CCDC93: variants seen among roughly 807,000 people sequenced by gnomAD.
The protein encoded by CCDC93 is CCC complex scaffolding subunit CCDC93, also known as coiled-coil domain-containing protein 93.
CCDC93 carries 61 observed loss-of-function variants against 108.2 expected under a neutral mutation model. The observed-to-expected ratio is 0.56, with a 90% confidence interval of 0.46 to 0.70. The LOEUF is 0.70. Ranked by LOEUF, CCDC93 falls within the 30% of genes least tolerant of loss-of-function variation. The probability of loss-of-function intolerance (pLI) is 0.00; values close to 1 mark genes in which losing one functional copy is unlikely to be tolerated. For missense variants in CCDC93, 685 were observed against 764.2 expected, an observed-to-expected ratio of 0.90 and a Z score of 1.22; for synonymous variants, 276 against 260.4, an observed-to-expected ratio of 1.06 and a Z score of -0.58.
At chr2:117,972,042 T>C (rs889959213) in intron 11 of CCDC93, among the ~76,000 whole-genome samples, 2 of 152,228 alleles carry the variant, frequency 1.3e-5, no homozygotes, top group Non-Finnish European at 2.9e-5. Flanking sequence ...AATCTGTGCA[T>C]ACTCTGCAGT....
chr2:118,006,780 T>C lies in CCDC93; in HGVS notation c.193A>G (p.Asn65Asp). 1 of 1,612,356 alleles carries C rather than the reference T, an allele frequency of 6.2e-7. No individual in the cohort carries two copies. Among genetic ancestry groups the C allele is most frequent in the Non-Finnish European group, 8.5e-7 (1 of 1,178,392 alleles). ...GGMTWCITTCNFDVDVDLLFQ... is the reference protein window; with the variant it reads ...GGMTWCITTCDFDVDVDLLFQ... Reference sequence around the variant, plus strand: ...AGCAAATCAACATCTACATCAAAGTTGCAAGTGGTGATACACCAAGTCATT... The same window carrying C: ...AGCAAATCAACATCTACATCAAAGTCGCAAGTGGTGATACACCAAGTCATT... Residue 65 changes from asparagine (N) to aspartate (D), a missense_variant, in exon 3 of 24, where the codon AAC becomes GAC. Asn to Asp is a conservative substitution (Grantham distance 23). Transcript: ENST00000376300.
intron 20 of CCDC93, 168 bp from the exon 21 acceptor site, chr2:117,936,907 G>T (rs2104723199): frequency 1.6e-6 from 1 of 613,412 alleles, no homozygotes; most frequent in Non-Finnish European, 3.0e-6. Flanking sequence ...CACATGTTCT[G>T]TCTCACAGAT....
At chr2:117,957,837 G>A (rs749270183) in intron 12 of CCDC93, among the ~76,000 whole-genome samples, 2 of 152,010 alleles carry the variant, frequency 1.3e-5, no homozygotes, top group Non-Finnish European at 2.9e-5. Flanking sequence ...GCTAGGTCAG[G>A]TCTCCCTATT....
chr2:117,923,192 G>A (rs898235234), intron 23 of CCDC93, among the ~76,000 whole-genome samples: 1 of 152,184 alleles, frequency 6.6e-6, no homozygotes, highest in Non-Finnish European at 1.5e-5. Context: ...GTGTAAGCGA[G>A]GCAGAAGACG....
At chr2:117,980,475 A>G (rs1451847731) in intron 7 of CCDC93, among the ~76,000 whole-genome samples, 1 of 152,166 alleles carries the variant, frequency 6.6e-6, no homozygotes, top group African/African-American at 2.4e-5. Flanking sequence ...ACCAAATCTG[A>G]GTGACTTGAT....
At chr2:117,927,402 G>A (rs1678155056) in intron 23 of CCDC93, among the ~76,000 whole-genome samples, 1 of 152,004 alleles carries the variant, frequency 6.6e-6, no homozygotes, top group African/African-American at 2.4e-5. Flanking sequence ...TCCTTAAGCT[G>A]ATAGATTCAG....
intron 23 of CCDC93, among the ~76,000 whole-genome samples, chr2:117,930,343 G>T (rs537219459): frequency 6.6e-6 from 1 of 152,248 alleles, no homozygotes; most frequent in African/African-American, 2.4e-5. Context: ...TGAGACCCTA[G>T]CAAGGGACCA....
At chr2:117,996,555 G>A in intron 4 of CCDC93, 193 bp from the exon 5 acceptor site, 1 of 523,170 alleles carries the variant, frequency 1.9e-6, no homozygotes, top group Non-Finnish European at 3.5e-6. Flanking sequence ...AGATCCAATG[G>A]GACCTAGTGC....
intron 6 of CCDC93, among the ~76,000 whole-genome samples, chr2:117,991,229 T>A (rs1680466618): frequency 1.3e-5 from 2 of 152,200 alleles, no homozygotes; most frequent in Non-Finnish European, 2.9e-5. Flanking sequence ...CCACCTGGCA[T>A]CCATTCTTTG....
intron 3 of CCDC93, among the ~76,000 whole-genome samples, chr2:118,001,632 CAAGGTGGGA>C (rs1424723860): frequency 6.6e-6 from 1 of 152,186 alleles, no homozygotes; most frequent in African/African-American, 2.4e-5. Flanking sequence ...TAGAAGACCA[CAAGGTGGGA>C]CTGAGAAGGG....
intron 22 of CCDC93, chr2:117,934,690 A>G (rs566912807): frequency 9.8e-5 from 15 of 152,308 alleles, no homozygotes; most frequent in African/African-American, 3.6e-4. Context: ...CCTATGGACA[A>G]TTCTTTCTTT....
chr2:118,012,360 C>T (rs1677042936), intron 1 of CCDC93: 1 of 152,122 alleles, frequency 6.6e-6, no homozygotes, highest in Admixed American at 6.5e-5. Flanking sequence ...TATTTACTAG[C>T]TTCTGAACTA....
intron 3 of CCDC93, among the ~76,000 whole-genome samples, chr2:118,004,215 T>C (rs1676796657): frequency 6.6e-6 from 1 of 152,152 alleles, no homozygotes; most frequent in Non-Finnish European, 1.5e-5. Context: ...GAAGGTAAAA[T>C]AATAAAATAC....
chr2:117,944,734 C>A (rs1209700157), intron 17 of CCDC93: 1 of 471,154 alleles, frequency 2.1e-6, no homozygotes, highest in South Asian at 1.5e-5. Flanking sequence ...CCAACGCACC[C>A]AAGGGGCTCA....
At chr2:118,001,901 A>AGG (rs1676707548) in intron 3 of CCDC93, among the ~76,000 whole-genome samples, 1 of 152,194 alleles carries the variant, frequency 6.6e-6, no homozygotes, top group South Asian at 2.1e-4. Flanking sequence ...ATCAGACTCA[A>AGG]GGGGAGAGAA....
chr2:117,950,484 C>T, intron 13 of CCDC93: 1 of 985,440 alleles, frequency 1.0e-6, no homozygotes, highest in Non-Finnish European at 1.2e-6. Context: ...GGCACCACTG[C>T]TGTCTGCAAC....
rs759065738 is a variant in CCDC93, at chr2:117,974,913, T to G, written c.751-13A>C. 1 of 1,542,482 alleles carries G rather than the reference T, an allele frequency of 6.5e-7. No homozygotes were observed. Among genetic ancestry groups the G allele is most frequent in the Non-Finnish European group, 8.8e-7 (1 of 1,135,876 alleles). On this transcript the variant is annotated splice_polypyrimidine_tract_variant and intron_variant, in intron 9 of 23. Coordinates refer to ENST00000376300, the MANE Select transcript of CCDC93 (RefSeq NM_019044.5). ...ACTGAATACGCTGCTGAAAGAGGAA[T>G]GGAAGGGAGCAGCAGTGAGTGGTTC...
chr2:117,926,540 A>T (rs1294337381), intron 23 of CCDC93, among the ~76,000 whole-genome samples: 1 of 152,250 alleles, frequency 6.6e-6, no homozygotes, highest in African/African-American at 2.4e-5. Flanking sequence ...AAATTCCTGG[A>T]CACATACACC....
chr2:117,985,278 G>A lies in CCDC93; in HGVS notation c.620+691C>T, dbSNP rs144950831. 173 of 156,868 alleles carry A rather than the reference G, an allele frequency of 1.1e-3. 2 individuals carry two copies. The highest frequency in any genetic ancestry group is 4.8e-4 in the Non-Finnish European group (35 of 72,222). 9.7% of individuals were successfully genotyped at this position (156,868 alleles called of 1,614,324 possible). A position where few individuals can be genotyped will look rare whatever the true frequency, so the allele number is the denominator to read the frequency against. ...CCATCAGATGCTCACTTAGGGAAAC[G>A]CCAGTGGCAATGCAGTTAGTTCCAG... On this transcript the variant is annotated intron_variant, in intron 7 of 23. Coordinates refer to ENST00000376300, the MANE Select transcript of CCDC93 (RefSeq NM_019044.5).
Sources: allele counts gnomAD v4.1 joint callset (sites outside exome capture counted in the v4.1 genomes callset), GRCh38; gene constraint gnomAD v4.1.1; transcripts MANE v1.5; gene names NCBI Gene and HGNC (gene_info 2026-07-23, HGNC 2026-07-21).